Variants in CREB5 observed in about 807,000 individuals in gnomAD.
CREB5 encodes cAMP responsive element binding protein 5.
Under a neutral mutation model 57.1 loss-of-function variants are expected in CREB5, and 19 were observed. That is an observed-to-expected ratio of 0.33 (90% CI 0.23 to 0.49). CREB5 has a LOEUF of 0.49. Ranked by LOEUF, CREB5 falls within the 20% of genes least tolerant of loss-of-function variation. The pLI, the probability that CREB5 is intolerant of heterozygous loss-of-function variation, is 0.99. For missense variants in CREB5, 579 were observed against 671.6 expected (o/e 0.86, Z 1.52); for synonymous variants, 238 against 238.3 (o/e 1.00, Z 0.01).
intron 1 of CREB5, among the ~76,000 whole-genome samples, chr7:28,346,570 A>G (rs1481601338): frequency 6.6e-6 from 1 of 152,224 alleles, no homozygotes; most frequent in Admixed American, 6.5e-5. Flanking sequence ...GCCTTAGCCA[A>G]CTCCATGGGG....
At chr7:28,776,800 C>A (rs577233902) in intron 7 of CREB5, among the ~76,000 whole-genome samples, 1 of 152,262 alleles carries the variant, frequency 6.6e-6, no homozygotes, top group South Asian at 2.1e-4. Context: ...TTATATGTGG[C>A]CTTTTGTGGC....
intron 5 of CREB5, among the ~76,000 whole-genome samples, chr7:28,585,832 G>A (rs574836067): frequency 1.8e-4 from 28 of 152,254 alleles, no homozygotes; most frequent in African/African-American, 6.7e-4. Flanking sequence ...GAGTCAGGAT[G>A]GGTGCAGGCT....
chr7:28,478,511 C>T (rs1467849827), intron 1 of CREB5, among the ~76,000 whole-genome samples: 2 of 152,024 alleles, frequency 1.3e-5, no homozygotes, highest in Non-Finnish European at 2.9e-5. Flanking sequence ...ATTCTGTGAG[C>T]GGAGGGCTAA....
At chr7:28,353,086 C>CT in intron 1 of CREB5, among the ~76,000 whole-genome samples, 1 of 151,848 alleles carries the variant, frequency 6.6e-6, no homozygotes, top group African/African-American at 2.4e-5. Context: ...TCTTTCTTTT[C>CT]TTTTTTTGTT....
At chr7:28,697,102 GAAT>G (rs1180721404) in intron 5 of CREB5, among the ~76,000 whole-genome samples, 4 of 151,794 alleles carry the variant, frequency 2.6e-5, no homozygotes, top group Non-Finnish European at 5.9e-5. Flanking sequence ...AATTTTTATG[GAAT>G]AATACTTAAT....
intron 1 of CREB5, among the ~76,000 whole-genome samples, chr7:28,446,218 C>T (rs1789459982): frequency 6.6e-6 from 1 of 152,152 alleles, no homozygotes; most frequent in Non-Finnish European, 1.5e-5. Flanking sequence ...CGCCCCTCCC[C>T]TCCCCCACAC....
intron 1 of CREB5, among the ~76,000 whole-genome samples, chr7:28,420,528 C>T (rs980711376): frequency 2.6e-5 from 4 of 152,026 alleles, no homozygotes; most frequent in Non-Finnish European, 5.9e-5. Flanking sequence ...AAGGTGAGGC[C>T]GGGCATGGTG....
intron 1 of CREB5, among the ~76,000 whole-genome samples, chr7:28,407,442 G>C (rs772612505): frequency 2.0e-5 from 3 of 152,304 alleles, no homozygotes; most frequent in Admixed American, 6.5e-5. Flanking sequence ...AGGCAACTGA[G>C]AACCAGGCGT....
intron 5 of CREB5, among the ~76,000 whole-genome samples, chr7:28,604,698 A>G (rs914915921): frequency 6.6e-6 from 1 of 151,956 alleles, no homozygotes; most frequent in African/African-American, 2.4e-5. Flanking sequence ...GATGTATATC[A>G]TGTTGATTGT....
intron 5 of CREB5, among the ~76,000 whole-genome samples, chr7:28,643,714 C>G (rs575981545): frequency 6.7e-5 from 10 of 149,422 alleles, no homozygotes; most frequent in African/African-American, 2.0e-4. Context: ...GAAAGTTGTC[C>G]CTTTAAGTCT....
intron 5 of CREB5, among the ~76,000 whole-genome samples, chr7:28,704,345 C>G: frequency 6.6e-6 from 1 of 152,164 alleles, no homozygotes; most frequent in East Asian, 1.9e-4. Flanking sequence ...TTGAGCCTTT[C>G]TTTTGTTCAA....
chr7:28,571,299 C>T (rs1363276857), intron 5 of CREB5, among the ~76,000 whole-genome samples: 8 of 152,276 alleles, frequency 5.3e-5, no homozygotes, highest in East Asian at 1.9e-4. Context: ...AGCAAAACCA[C>T]GGATAAGGGG....
At chr7:28,678,267 A>G (rs1800413801) in intron 5 of CREB5, among the ~76,000 whole-genome samples, 1 of 152,126 alleles carries the variant, frequency 6.6e-6, no homozygotes, top group African/African-American at 2.4e-5. Flanking sequence ...GTGCGCCTGT[A>G]GCCCCAGGCA....
chr7:28,579,455 C>A (rs1373888237), intron 5 of CREB5, among the ~76,000 whole-genome samples: 1 of 151,966 alleles, frequency 6.6e-6, no homozygotes, highest in Non-Finnish European at 1.5e-5. Flanking sequence ...TAGTTTTCCC[C>A]CCTTTGGCAA....
At chr7:28,689,446 C>T (rs1042865889) in intron 5 of CREB5, among the ~76,000 whole-genome samples, 8 of 152,140 alleles carry the variant, frequency 5.3e-5, no homozygotes, top group Middle Eastern at 6.8e-3. Context: ...CCAGCCTGGG[C>T]GACAAAGCGA....
chr7:28,364,035 A>C (rs1029997697), intron 1 of CREB5, among the ~76,000 whole-genome samples: 1 of 152,230 alleles, frequency 6.6e-6, no homozygotes, highest in Non-Finnish European at 1.5e-5. Flanking sequence ...CTGAAGTTTT[A>C]GTTAGTTGAA....
At chr7:28,464,862 T>C (rs1790500063) in intron 1 of CREB5, among the ~76,000 whole-genome samples, 1 of 152,212 alleles carries the variant, frequency 6.6e-6, no homozygotes, top group African/African-American at 2.4e-5. Context: ...TTATGCAAAA[T>C]ACTTAACATA....
chr7:28,767,237 ATTTATTTTTGTTT>A (rs1562627144), intron 7 of CREB5, among the ~76,000 whole-genome samples: 1 of 152,156 alleles, frequency 6.6e-6, no homozygotes, highest in Admixed American at 6.5e-5. Context: ...CCATGTATGC[ATTTATTTTTGTTT>A]TTTATTTTCA....
chr7:28,620,529 C>T (rs1204381499), intron 5 of CREB5, among the ~76,000 whole-genome samples: 2 of 152,178 alleles, frequency 1.3e-5, no homozygotes, highest in East Asian at 3.9e-4. Flanking sequence ...GGAGGGAATT[C>T]TCTCAGGTAG....
Sources: gnomAD v4.1 joint callset for allele counts (sites outside exome capture counted in the v4.1 genomes callset) on GRCh38, gnomAD v4.1.1 for gene constraint, MANE v1.5 for transcripts, NCBI Gene and HGNC (gene_info 2026-07-23, HGNC 2026-07-21) for gene names.